PIK3C2G: variants seen among roughly 807,000 people sequenced by gnomAD.
The protein encoded by PIK3C2G is phosphatidylinositol 3-kinase C2 domain-containing subunit gamma.
PIK3C2G carries 168 observed loss-of-function variants against 181.1 expected under a neutral mutation model. The ratio of observed to expected loss-of-function variants is 0.93; its 90% CI spans 0.82 to 1.05. PIK3C2G has a LOEUF of 1.05. Ranked by LOEUF, PIK3C2G falls within the 50% of genes least tolerant of loss-of-function variation. The pLI, the probability that PIK3C2G is intolerant of heterozygous loss-of-function variation, is 0.00. For synonymous variants in PIK3C2G, 573 were observed against 592.2 expected, an observed-to-expected ratio of 0.97 and a Z score of 0.47; for missense variants, 1,869 against 1,732.8, an observed-to-expected ratio of 1.08 and a Z score of -1.40.
At chr12:18,258,328 G>A (rs1399811377), upstream of PIK3C2G, among the ~76,000 whole-genome samples, 1 of 151,434 alleles carries the variant, frequency 6.6e-6, no homozygotes, top group African/African-American at 2.4e-5. Context: ...AAATTTTCAA[G>A]TATACAATAC....
At chr12:18,562,082 G>A (rs963301974) in intron 26 of PIK3C2G, among the ~76,000 whole-genome samples, 9 of 152,208 alleles carry the variant, frequency 5.9e-5, no homozygotes, top group Admixed American at 1.3e-4. Context: ...ATAATTATAA[G>A]CTGGAATTAA....
chr12:18,317,599 G>A (rs910491817), intron 6 of PIK3C2G, among the ~76,000 whole-genome samples: 3 of 152,148 alleles, frequency 2.0e-5, no homozygotes, highest in Non-Finnish European at 4.4e-5. Context: ...AAGAAAATAT[G>A]GCCAGCTCTA....
At chr12:18,602,789 C>T (rs1947806414) in intron 30 of PIK3C2G, among the ~76,000 whole-genome samples, 1 of 152,162 alleles carries the variant, frequency 6.6e-6, no homozygotes, top group Admixed American at 6.5e-5. Context: ...CACTGCACTT[C>T]AGCTCACTGG....
At chr12:18,300,967 TGTAGA>T (rs1324955694) in intron 5 of PIK3C2G, among the ~76,000 whole-genome samples, 1 of 152,154 alleles carries the variant, frequency 6.6e-6, no homozygotes. Context: ...AACTTAGCTG[TGTAGA>T]GTATTCTTGG....
At chr12:18,268,024 G>A (rs77183269) in intron 1 of PIK3C2G, among the ~76,000 whole-genome samples, 3,075 of 152,256 alleles carry the variant, frequency 0.02, 103 homozygotes, top group African/African-American at 0.07. Flanking sequence ...TTTTTAGGGC[G>A]GTGGAGGGAA....
At chr12:18,514,477 T>G (rs1172749932) in intron 24 of PIK3C2G, among the ~76,000 whole-genome samples, 1 of 151,924 alleles carries the variant, frequency 6.6e-6, no homozygotes, top group Non-Finnish European at 1.5e-5. Context: ...TTGGTTAAAC[T>G]TATTTCTATT....
At chr12:18,323,816 C>T (rs1300762048) in intron 7 of PIK3C2G, among the ~76,000 whole-genome samples, 1 of 152,108 alleles carries the variant, frequency 6.6e-6, no homozygotes, top group African/African-American at 2.4e-5. Context: ...AAATCACTCA[C>T]CTTCACTACT....
intron 3 of PIK3C2G, 150 bp from the exon 4 acceptor site, chr12:18,290,704 TC>T (rs1949655408): frequency 3.2e-6 from 2 of 621,196 alleles, no homozygotes; most frequent in Non-Finnish European, 5.7e-6. Flanking sequence ...ATGCACTGCA[TC>T]ACAAATCAAT....
At chr12:18,491,643 A>T (rs1940580828) in intron 20 of PIK3C2G, 85 bp downstream of exon 20, 2 of 729,396 alleles carry the variant, frequency 2.7e-6, no homozygotes, top group Middle Eastern at 3.1e-4. Flanking sequence ...TGGCAAAAAG[A>T]ATTCGTAAGT....
chr12:18,308,834 T>C (rs1950526041), intron 5 of PIK3C2G, among the ~76,000 whole-genome samples: 1 of 151,664 alleles, frequency 6.6e-6, no homozygotes, highest in Non-Finnish European at 1.5e-5. Context: ...AATATTTTTA[T>C]TATAAATACT....
chr12:18,603,819 G>A (rs1368163044), intron 30 of PIK3C2G, among the ~76,000 whole-genome samples: 1 of 152,112 alleles, frequency 6.6e-6, no homozygotes, highest in Non-Finnish European at 1.5e-5. Context: ...ACAAACAAAT[G>A]CTGAGAGAAT....
At chr12:18,559,243 C>G (rs1053766691) in intron 26 of PIK3C2G, among the ~76,000 whole-genome samples, 5 of 152,170 alleles carry the variant, frequency 3.3e-5, no homozygotes, top group African/African-American at 1.2e-4. Flanking sequence ...CTCTTACATA[C>G]AACAGGCAAA....
chr12:18,685,573 C>A, the PIK3C2G span: 1 of 493,354 alleles, frequency 2.0e-6, no homozygotes, highest in Non-Finnish European at 4.1e-6. Context: ...GCACATTTAC[C>A]ACATAGCAAT....
At chr12:18,404,074 A>C (rs1592170334) in intron 16 of PIK3C2G, among the ~76,000 whole-genome samples, 1 of 139,238 alleles carries the variant, frequency 7.2e-6, no homozygotes, top group South Asian at 2.5e-4. Context: ...TTTTGCAAGA[A>C]GAAAAGCAAT....
chr12:18,281,514 C>T (rs903713882), intron 1 of PIK3C2G, among the ~76,000 whole-genome samples: 3 of 150,516 alleles, frequency 2.0e-5, no homozygotes, highest in African/African-American at 4.8e-5. Context: ...GCAATTATTT[C>T]GAGTTTTTTG....
At chr12:18,372,392 A>C (rs1264382918) in intron 13 of PIK3C2G, 2 of 152,246 alleles carry the variant, frequency 1.3e-5, no homozygotes, top group African/African-American at 4.8e-5. Flanking sequence ...TGAGGAAAAA[A>C]ACAGTCCCTA....
intron 31 of PIK3C2G, among the ~76,000 whole-genome samples, chr12:18,614,817 T>G (rs12424192): frequency 1.3e-5 from 2 of 152,136 alleles, no homozygotes; most frequent in Admixed American, 1.3e-4. Flanking sequence ...TCCAATATCT[T>G]GCCATCTCTT....
At chr12:18,646,731 T>G (rs980388512) in intron 32 of PIK3C2G, among the ~76,000 whole-genome samples, 1 of 152,128 alleles carries the variant, frequency 6.6e-6, no homozygotes, top group Non-Finnish European at 1.5e-5. Context: ...CTAAATGTGT[T>G]CTAAGACATT....
At chr12:18,600,809 C>A (rs1947668306) in intron 30 of PIK3C2G, among the ~76,000 whole-genome samples, 1 of 151,944 alleles carries the variant, frequency 6.6e-6, no homozygotes, top group Non-Finnish European at 1.5e-5. Context: ...CTTCAAAATG[C>A]AAGCAAAACT....
Sources: allele counts gnomAD v4.1 joint callset (sites outside exome capture counted in the v4.1 genomes callset), GRCh38; gene constraint gnomAD v4.1.1; transcripts MANE v1.5; gene names NCBI Gene and HGNC (gene_info 2026-07-23, HGNC 2026-07-21).